SIN3B: variants seen among roughly 807,000 people sequenced by gnomAD.
SIN3B encodes paired amphipathic helix protein Sin3b.
A neutral mutation model predicts 120.2 loss-of-function variants in SIN3B; 19 were observed. That is an observed-to-expected ratio of 0.16 (90% CI 0.11 to 0.23). The LOEUF (loss-of-function observed/expected upper bound fraction) is 0.23. Ranked by LOEUF, SIN3B falls within the 10% of genes least tolerant of loss-of-function variation. The pLI, the probability that SIN3B is intolerant of heterozygous loss-of-function variation, is 1.00. For missense variants in SIN3B, 1,073 were observed against 1,573.0 expected, an observed-to-expected ratio of 0.68 and a Z score of 5.38; for synonymous variants, 654 against 653.2, an observed-to-expected ratio of 1.00 and a Z score of -0.02.
intron 14 of SIN3B, among the ~76,000 whole-genome samples, chr19:16,872,213 A>T (rs2051520676): frequency 6.6e-6 from 1 of 152,066 alleles, no homozygotes; most frequent in Non-Finnish European, 1.5e-5. Flanking sequence ...GAAAAAAAAT[A>T]ATGCCATTAC....
At chr19:16,852,924 G>A (rs949325772) in intron 6 of SIN3B, 145 bp from the exon 7 acceptor site, 19 of 570,058 alleles carry the variant, frequency 3.3e-5, no homozygotes, top group African/African-American at 1.7e-4. Flanking sequence ...GTAACTGAGC[G>A]GCTCCTGCCT....
chr19:16,877,500 C>A, intron 16 of SIN3B, 45 bp from the exon 17 acceptor site: 1 of 1,421,556 alleles, frequency 7.0e-7, no homozygotes, highest in East Asian at 2.4e-5. Flanking sequence ...GTGGCCATAG[C>A]CCTGCTGTAG....
At chr19:16,858,120 G>A (rs1568419882) in intron 8 of SIN3B, among the ~76,000 whole-genome samples, 2 of 151,986 alleles carry the variant, frequency 1.3e-5, no homozygotes, top group Admixed American at 6.6e-5. Flanking sequence ...CAAGTGATCC[G>A]CCTGCCTCAG....
At chr19:16,846,055 G>A (rs113548327) in intron 4 of SIN3B, among the ~76,000 whole-genome samples, 2,728 of 152,334 alleles carry the variant, frequency 0.018, 44 homozygotes, top group South Asian at 0.043. Context: ...TTACAGGCAT[G>A]AGCCATCATG....
At chr19:16,858,881 C>T (rs1971650682) in intron 8 of SIN3B, among the ~76,000 whole-genome samples, 1 of 152,130 alleles carries the variant, frequency 6.6e-6, no homozygotes, top group Non-Finnish European at 1.5e-5. Context: ...ACCCAGGAAG[C>T]AGAGGTTGCA....
Position 16,876,049 on chromosome 19 carries a change from C to A in SIN3B, c.2593-6C>A. The A allele has an allele frequency of 6.5e-7, 1 of 1,545,840 alleles. No homozygotes were observed. Among genetic ancestry groups the A allele is most frequent in the East Asian group, 2.4e-5 (1 of 41,344 alleles). On this transcript the variant is annotated splice_polypyrimidine_tract_variant and splice_region_variant and intron_variant, in intron 14 of 18. Coordinates refer to ENST00000248054, the MANE Select transcript of SIN3B (RefSeq NM_001297595.2). The surrounding 1 kb of genome is among the most constrained non-coding windows in gnomAD (Gnocchi z 7.1). Reference sequence around the variant, plus strand: ...GTGGCCGCACCACCTGCTTTCCTCCCGCCAGCTGCACCACCTCGTGAGCGA... The same window carrying A: ...GTGGCCGCACCACCTGCTTTCCTCCAGCCAGCTGCACCACCTCGTGAGCGA...
At chr19:16,864,837 A>ATT (rs1179728493) in intron 10 of SIN3B, among the ~76,000 whole-genome samples, 2 of 142,140 alleles carry the variant, frequency 1.4e-5, no homozygotes, top group Non-Finnish European at 1.5e-5. Flanking sequence ...CAAAAAAAAA[A>ATT]TTTTTTTTTT....
chr19:16,843,732 C>T (rs1971446584), intron 4 of SIN3B, among the ~76,000 whole-genome samples: 1 of 152,212 alleles, frequency 6.6e-6, no homozygotes. Context: ...TGGGAAGGGA[C>T]AACGCAGTAT....
At chr19:16,844,946 G>A (rs1458738826) in intron 4 of SIN3B, among the ~76,000 whole-genome samples, 2 of 152,174 alleles carry the variant, frequency 1.3e-5, no homozygotes, top group South Asian at 4.2e-4. Flanking sequence ...CATGGACATG[G>A]GAGGGGGTGC....
In SIN3B at chr19:16,877,572, G is replaced by T; in HGVS notation, c.2887G>T (p.Val963Leu). ...CCTGGCTCGGTACGTGGAGCAGTAT[G>T]TGGGGACCGAGGGCGCGTCCAGCTC... Reference protein sequence around the residue: ...QHLARYVEQYVGTEGASSSPT... With the variant: ...QHLARYVEQYLGTEGASSSPT... Residue 963 changes from valine to leucine, a missense_variant, in exon 17 of 19, where the codon GTG becomes TTG. Around this residue, in one of 7 missense-constraint regions of SIN3B, gnomAD observed 311 missense variants for 400.3 expected, o/e 0.78. Transcript: ENST00000248054. 6.2e-7 allele frequency: 1 copy of T among 1,611,936 alleles called. No individual in the cohort carries two copies.
At chr19:16,855,814 G>C (rs975605106) in intron 8 of SIN3B, 1 of 152,254 alleles carries the variant, frequency 6.6e-6, no homozygotes, top group Non-Finnish European at 1.5e-5. Context: ...CCAACACTTT[G>C]GGAGGCCGAG....
chr19:16,834,996 G>A (rs994451977), intron 3 of SIN3B, among the ~76,000 whole-genome samples: 4 of 149,024 alleles, frequency 2.7e-5, no homozygotes, highest in Non-Finnish European at 4.4e-5. Context: ...ACACAATCTC[G>A]ACTCACCGCA....
At chr19:16,848,972 C>T (rs1971512607) in intron 5 of SIN3B, among the ~76,000 whole-genome samples, 1 of 152,078 alleles carries the variant, frequency 6.6e-6, no homozygotes, top group Non-Finnish European at 1.5e-5. Context: ...TGCAGGGCAC[C>T]CGGCTAGCTC....
chr19:16,845,358 C>T (rs894251331), intron 4 of SIN3B, among the ~76,000 whole-genome samples: 7 of 152,138 alleles, frequency 4.6e-5, no homozygotes, highest in African/African-American at 1.4e-4. Flanking sequence ...CTGCAGCCTC[C>T]GCCTCCTGGG....
At chr19:16,845,069 C>T (rs1321440088) in intron 4 of SIN3B, among the ~76,000 whole-genome samples, 2 of 152,216 alleles carry the variant, frequency 1.3e-5, no homozygotes, top group African/African-American at 4.8e-5. Flanking sequence ...AAATTCACCT[C>T]ATGCTCAAAT....
rs193139391 is a variant in SIN3B, at chr19:16,853,407, A to G, written c.939+249A>G. Among the ~76,000 whole-genome samples the G allele has an allele frequency of 2.4e-3, 368 of 152,360 alleles. 3 individuals carry two copies. The highest frequency in any genetic ancestry group is 3.3e-3 in the Non-Finnish European group (222 of 68,032). On this transcript the variant is annotated intron_variant, in intron 7 of 18. Coordinates refer to ENST00000248054, the MANE Select transcript of SIN3B (RefSeq NM_001297595.2). ...CTCCAAGCAGAGTATGAAGACATACATGTCTGCCACCCTGCAGCTGTGTGG... is the reference window on the plus strand; with the variant it reads ...CTCCAAGCAGAGTATGAAGACATACGTGTCTGCCACCCTGCAGCTGTGTGG...
rs547633556 is a variant in SIN3B at position 16,880,022 on chromosome 19, C to T, written c.*1295C>T. On this transcript the variant is annotated 3_prime_UTR_variant, in exon 19 of 19. Transcript: ENST00000248054. The stretch of plus-strand genomic sequence containing the variant: ...AGGCTGGGCGATTCCGATGCTGACC[C>T]GTCCTCCTGGGCTCCCCACCCCCGC... The T allele has an allele frequency of 2.0e-5, 3 of 152,460 alleles. No homozygotes were observed. The highest frequency in any genetic ancestry group is 4.1e-4 in the South Asian group (2 of 4,834). The allele number at this position is 152,460 out of a possible 1,614,324, so 9.4% of individuals were successfully genotyped here.
chr19:16,866,289 C>G, intron 11 of SIN3B, 84 bp from the exon 12 acceptor site: 1 of 1,407,718 alleles, frequency 7.1e-7, no homozygotes, highest in Non-Finnish European at 9.7e-7. Flanking sequence ...CAGTCAAGTC[C>G]CAGAGGAAGA....
intron 14 of SIN3B, among the ~76,000 whole-genome samples, chr19:16,874,903 G>T (rs1464506207): frequency 6.7e-6 from 1 of 150,228 alleles, no homozygotes; most frequent in Non-Finnish European, 1.5e-5. Flanking sequence ...TTTTGGTCTG[G>T]TCTAATCTGG....
Sources: allele counts gnomAD v4.1 joint callset (sites outside exome capture counted in the v4.1 genomes callset), GRCh38; gene constraint gnomAD v4.1.1; regional missense constraint gnomAD v4.1.1; non-coding constraint Gnocchi (gnomAD v3.1); transcripts MANE v1.5; gene names NCBI Gene and HGNC (gene_info 2026-07-23, HGNC 2026-07-21).